FYB2: variants seen among roughly 807,000 people sequenced by gnomAD.
FYB2 encodes FYN binding protein 2, also known as FYN-binding protein 2.
FYB2 carries 103 observed loss-of-function variants against 94.1 expected under a neutral mutation model. The observed-to-expected ratio is 1.09, with a 90% CI of 0.93 to 1.29. The LOEUF (loss-of-function observed/expected upper bound fraction) is 1.29, where lower values mean the gene tolerates loss of function less well. Ranked by LOEUF, FYB2 falls within the 50% of genes most tolerant of loss-of-function variation. FYB2 has a pLI of 0.00. For synonymous variants in FYB2, 293 were observed against 287.9 expected, an observed-to-expected ratio of 1.02 and a Z score of -0.18; for missense variants, 896 against 841.5, an observed-to-expected ratio of 1.06 and a Z score of -0.80.
chr1:56,775,322 C>T (rs991645213), intron 4 of FYB2, among the ~76,000 whole-genome samples: 13 of 152,082 alleles, frequency 8.5e-5, no homozygotes, highest in African/African-American at 2.9e-4. Flanking sequence ...CAAAGGACCA[C>T]AAAACCATGA....
intron 4 of FYB2, among the ~76,000 whole-genome samples, chr1:56,780,425 C>T (rs1048734435): frequency 5.9e-5 from 9 of 152,062 alleles, no homozygotes; most frequent in Admixed American, 3.3e-4. Context: ...TCTATTAAGC[C>T]TTGCCCTCTT....
chr1:56,729,118 T>C (rs1259498798), intron 15 of FYB2, among the ~76,000 whole-genome samples: 1 of 152,114 alleles, frequency 6.6e-6, no homozygotes, highest in East Asian at 1.9e-4. Context: ...AAATTTTATG[T>C]CTTCCTAAGC....
chr1:56,795,425 A>T (rs544312323), intron 1 of FYB2, among the ~76,000 whole-genome samples: 1 of 152,196 alleles, frequency 6.6e-6, no homozygotes, highest in Non-Finnish European at 1.5e-5. Context: ...ATTATGAATG[A>T]TGCTTCTATA....
intron 5 of FYB2, among the ~76,000 whole-genome samples, chr1:56,767,487 G>T (rs1021568210): frequency 5.3e-5 from 8 of 152,144 alleles, no homozygotes; most frequent in Non-Finnish European, 1.0e-4. Context: ...GAAAAGAGAT[G>T]AAGTTTCTAT....
intron 4 of FYB2, among the ~76,000 whole-genome samples, chr1:56,772,872 A>T (rs1047643711): frequency 6.6e-6 from 1 of 152,206 alleles, no homozygotes; most frequent in Non-Finnish European, 1.5e-5. Context: ...GAGGACAGAA[A>T]TATTGTATTT....
intron 1 of FYB2, 31 bp from the exon 2 acceptor site, chr1:56,792,834 A>G (rs748989602): frequency 6.5e-6 from 10 of 1,547,670 alleles, no homozygotes; most frequent in South Asian, 1.2e-5. Flanking sequence ...ACAAACAAAC[A>G]AAAACAAAAA....
At chr1:56,788,343 T>C (rs1050031538) in intron 3 of FYB2, among the ~76,000 whole-genome samples, 1 of 152,232 alleles carries the variant, frequency 6.6e-6, no homozygotes, top group Non-Finnish European at 1.5e-5. Context: ...GTTCATCTTG[T>C]GTTTCATTAG....
intron 9 of FYB2, among the ~76,000 whole-genome samples, chr1:56,748,526 T>C (rs1254360072): frequency 6.6e-6 from 1 of 152,096 alleles, no homozygotes; most frequent in Non-Finnish European, 1.5e-5. Context: ...TTGCTTGTTT[T>C]TGTCAGGTTT....
chr1:56,826,315 A>T, the FYB2 span, among the ~76,000 whole-genome samples: 1 of 152,162 alleles, frequency 6.6e-6, no homozygotes, highest in African/African-American at 2.4e-5. Flanking sequence ...ATGACACTCC[A>T]CCATGGAAAA....
At chr1:56,818,182 T>A (rs972232980) in intron 1 of FYB2, among the ~76,000 whole-genome samples, 7 of 151,858 alleles carry the variant, frequency 4.6e-5, no homozygotes, top group African/African-American at 1.7e-4. Flanking sequence ...ATGGTCGAGG[T>A]GGGGGTGGCG....
At chr1:56,748,845 G>C (rs1418487473) in intron 9 of FYB2, among the ~76,000 whole-genome samples, 2 of 151,624 alleles carry the variant, frequency 1.3e-5, no homozygotes. Flanking sequence ...TCTTCCTTCT[G>C]CCTGAAGTAC....
intron 9 of FYB2, among the ~76,000 whole-genome samples, chr1:56,747,244 C>G (rs189838737): frequency 6.6e-6 from 1 of 151,882 alleles, no homozygotes; most frequent in Admixed American, 6.6e-5. Context: ...TACCTTCTCA[C>G]TCTTTTTTAA....
intron 1 of FYB2, among the ~76,000 whole-genome samples, chr1:56,810,039 G>A (rs966209827): frequency 2.6e-5 from 4 of 152,114 alleles, no homozygotes; most frequent in African/African-American, 7.2e-5. Context: ...GGAGGAGGAA[G>A]GGGAGAAGGA....
At chr1:56,737,293 C>T (rs2100580239) in intron 14 of FYB2, 146 bp from the exon 15 acceptor site, 2 of 492,546 alleles carry the variant, frequency 4.1e-6, no homozygotes, top group East Asian at 7.0e-5. Flanking sequence ...TACAGATAGG[C>T]TAGAAGAATC....
chr1:56,773,456 A>G (rs142607886), intron 4 of FYB2, among the ~76,000 whole-genome samples: 11 of 152,286 alleles, frequency 7.2e-5, no homozygotes, highest in African/African-American at 2.4e-4. Context: ...GATTCATTAT[A>G]TGCACCTCTC....
At chr1:56,815,263 G>T (rs1646857321) in intron 1 of FYB2, among the ~76,000 whole-genome samples, 1 of 151,944 alleles carries the variant, frequency 6.6e-6, no homozygotes, top group Non-Finnish European at 1.5e-5. Context: ...CTGATGAAAT[G>T]CCACTTCCTC....
rs542721372 is a variant in FYB2, at chr1:56,726,692, T to A, written c.1794-109A>T. The A allele has an allele frequency of 4.4e-4, 376 of 862,598 alleles. 5 individuals carry two copies. In the South Asian group the frequency reaches 6.0e-3, roughly 14 times the overall value. 53.4% of individuals were successfully genotyped at this position (862,598 alleles called of 1,614,324 possible). A position where few individuals can be genotyped will look rare whatever the true frequency, so the allele number is the denominator to read the frequency against. On this transcript the variant is annotated intron_variant, in intron 15 of 19. Transcript: ENST00000343433. Reference sequence around the variant, plus strand: ...TTTTACAAAAAATTAAAAAGTCATCTAGAAATATATTTTGATAATCCATGG... The same window carrying A: ...TTTTACAAAAAATTAAAAAGTCATCAAGAAATATATTTTGATAATCCATGG...
chr1:56,726,632 T>C, intron 15 of FYB2, 49 bp from the exon 16 acceptor site: 4 of 1,474,532 alleles, frequency 2.7e-6, no homozygotes, highest in Non-Finnish European at 3.7e-6. Context: ...GAATTATATA[T>C]TCATGGAACC....
At chr1:56,725,224 AAGAC>A (rs1400826422) in intron 16 of FYB2, among the ~76,000 whole-genome samples, 1 of 152,094 alleles carries the variant, frequency 6.6e-6, no homozygotes, top group African/African-American at 2.4e-5. Flanking sequence ...CAAACAGACT[AAGAC>A]AGATAACCTT....
Sources: gnomAD v4.1 joint callset for allele counts (sites outside exome capture counted in the v4.1 genomes callset) on GRCh38, gnomAD v4.1.1 for gene constraint, MANE v1.5 for transcripts, NCBI Gene and HGNC (gene_info 2026-07-23, HGNC 2026-07-21) for gene names.